The following NFIB variants were observed in gnomAD, a reference collection of about 807,000 sequenced individuals.
NFIB encodes the protein nuclear factor 1 B-type.
A neutral mutation model predicts 61.5 loss-of-function variants in NFIB; 11 were observed. The observed-to-expected ratio is 0.18, with a 90% CI of 0.11 to 0.30. NFIB has a LOEUF of 0.30. Ranked by LOEUF, NFIB falls within the 10% of genes least tolerant of loss-of-function variation. NFIB has a pLI of 1.00. For synonymous variants in NFIB, 260 were observed against 216.5 expected, an observed-to-expected ratio of 1.20 and a Z score of -1.76; for missense variants, 471 against 608.9, an observed-to-expected ratio of 0.77 and a Z score of 2.38.
At chr9:14,371,364 A>G (rs1454958822) in intron 1 of NFIB, among the ~76,000 whole-genome samples, 1 of 152,246 alleles carries the variant, frequency 6.6e-6, no homozygotes, top group African/African-American at 2.4e-5. Context: ...TAGGCAGTCT[A>G]GAAATCCTTG....
At chr9:14,237,752 C>CTAGG (rs1420485682) in intron 2 of NFIB, among the ~76,000 whole-genome samples, 1 of 140,324 alleles carries the variant, frequency 7.1e-6, no homozygotes, top group Non-Finnish European at 1.5e-5. Context: ...CCTCACCCTG[C>CTAGG]TAGGTATAAC....
At chr9:14,260,558 C>T (rs1336111925) in intron 2 of NFIB, among the ~76,000 whole-genome samples, 1 of 152,220 alleles carries the variant, frequency 6.6e-6, no homozygotes, top group Non-Finnish European at 1.5e-5. Context: ...ACTTTTCCCT[C>T]CTCTACGGTT....
intron 2 of NFIB, among the ~76,000 whole-genome samples, chr9:14,288,557 T>A (rs2058866527): frequency 6.6e-6 from 1 of 152,130 alleles, no homozygotes; most frequent in South Asian, 2.1e-4. Context: ...TTGTTTTGGT[T>A]TTGTTACATA....
intron 1 of NFIB, among the ~76,000 whole-genome samples, chr9:14,322,773 C>G (rs948821291): frequency 6.6e-6 from 1 of 151,808 alleles, no homozygotes; most frequent in Non-Finnish European, 1.5e-5. Context: ...GCGCGGCGCC[C>G]CTCTCGAGCG....
intron 2 of NFIB, among the ~76,000 whole-genome samples, chr9:14,245,884 A>G (rs1587892701): frequency 1.3e-5 from 2 of 152,200 alleles, no homozygotes; most frequent in East Asian, 3.9e-4. Context: ...AAAAATGATA[A>G]TAATAATAAG....
the NFIB span, among the ~76,000 whole-genome samples, chr9:14,474,133 T>C: frequency 6.6e-6 from 1 of 152,238 alleles, no homozygotes; most frequent in Non-Finnish European, 1.5e-5. Flanking sequence ...ATCATGTTCC[T>C]GCCTTACATT....
chr9:14,286,154 A>T (rs894059580), intron 2 of NFIB, among the ~76,000 whole-genome samples: 1 of 152,208 alleles, frequency 6.6e-6, no homozygotes, highest in African/African-American at 2.4e-5. Flanking sequence ...GTGTACCCCA[A>T]TGCCACATTC....
At chr9:14,435,337 C>A in the NFIB span, among the ~76,000 whole-genome samples, 49,147 of 152,078 alleles carry the variant, frequency 0.32, 8,827 homozygotes, top group Admixed American at 0.47. Flanking sequence ...ACCAACTGAA[C>A]CACAGGAGAA....
rs33918801 is a variant in NFIB, at chr9:14,083,479, T to TAAAAAAA, written c.*4823_*4829dup. ...TATTGAACTTGAATAGCCTGCACATTAAAAAAAAAAAAAAAAAAAAAGTTT... is the reference window on the plus strand; with the variant it reads ...TATTGAACTTGAATAGCCTGCACATTAAAAAAAAAAAAAAAAAAAAAAAAAAAAGTTT... On this transcript the variant is annotated 3_prime_UTR_variant, in exon 11 of 11. Transcript: ENST00000380953. 1 of 129,282 alleles carries TAAAAAAA rather than the reference T, an allele frequency of 7.7e-6. No individual in the cohort carries two copies. Among genetic ancestry groups the TAAAAAAA allele is most frequent in the Non-Finnish European group, 1.5e-5 (1 of 65,496 alleles). The allele number at this position is 129,282 out of a possible 1,614,324, so 8.0% of individuals were successfully genotyped here. A position where few individuals can be genotyped will look rare whatever the true frequency, so the allele number is the denominator to read the frequency against.
intron 6 of NFIB, among the ~76,000 whole-genome samples, chr9:14,146,266 T>C (rs1374496698): frequency 6.6e-6 from 1 of 152,130 alleles, no homozygotes; most frequent in African/African-American, 2.4e-5. Context: ...CCAAAAGGAA[T>C]TGCAGGTTCC....
chr9:14,148,093 T>G (rs938040249), intron 5 of NFIB, among the ~76,000 whole-genome samples: 1 of 152,084 alleles, frequency 6.6e-6, no homozygotes, highest in African/African-American at 2.4e-5. Flanking sequence ...AATTATGAAA[T>G]TATGACTATA....
At chr9:14,427,937 G>GTGTTTTTTTTTTTT in the NFIB span, among the ~76,000 whole-genome samples, 2 of 43,384 alleles carry the variant, frequency 4.6e-5, no homozygotes, top group African/African-American at 1.6e-4. Context: ...TAATTCAGTT[G>GTGTTTTTTTTTTTT]TTTTTTTTTT....
At chr9:14,094,332 A>C (rs1266465866) in intron 10 of NFIB, 1 of 152,112 alleles carries the variant, frequency 6.6e-6, no homozygotes, top group East Asian at 1.9e-4. Context: ...CAGCACAAAT[A>C]ACTGTGCTTT....
chr9:14,314,007 G>GAATGTGTCACCGCGCTGGGAA lies in NFIB; in HGVS notation c.-517_-497dup. 9.4e-7 allele frequency: 1 copy of GAATGTGTCACCGCGCTGGGAA among 1,068,144 alleles called. No individual in the cohort carries two copies. The highest frequency in any genetic ancestry group is 1.1e-6 in the Non-Finnish European group (1 of 882,386). 66.2% of individuals were successfully genotyped at this position (1,068,144 alleles called of 1,614,324 possible). A position where few individuals can be genotyped will look rare whatever the true frequency, so the allele number is the denominator to read the frequency against. On this transcript the variant is annotated 5_prime_UTR_variant, in exon 1 of 11. Transcript: ENST00000380953. ...GGGCGGGCGGGAGGGAGAGCGGGGA[G>GAATGTGTCACCGCGCTGGGAA]AATGTGTCACCGCGCTGGGAAAGTT...
chr9:14,311,373 GAC>G (rs2060270815), intron 1 of NFIB, among the ~76,000 whole-genome samples: 1 of 152,126 alleles, frequency 6.6e-6, no homozygotes, highest in South Asian at 2.1e-4. Flanking sequence ...ATACAAAAGT[GAC>G]ACTATTAATG....
chr9:14,217,134 C>T (rs992429056), intron 2 of NFIB, among the ~76,000 whole-genome samples: 1 of 152,104 alleles, frequency 6.6e-6, no homozygotes, highest in Non-Finnish European at 1.5e-5. Flanking sequence ...TGATTAATTT[C>T]CTGATGATAC....
At chr9:14,359,766 G>A (rs918524759) in intron 1 of NFIB, among the ~76,000 whole-genome samples, 4 of 152,008 alleles carry the variant, frequency 2.6e-5, no homozygotes, top group Non-Finnish European at 5.9e-5. Context: ...TTCTCCCTGG[G>A]GTTGCTGGGT....
At chr9:14,149,117 T>G (rs2131142206) in intron 5 of NFIB, among the ~76,000 whole-genome samples, 1 of 152,282 alleles carries the variant, frequency 6.6e-6, no homozygotes, top group South Asian at 2.1e-4. Context: ...ATCAAAGCAT[T>G]TCTAAGACTT....
At chr9:14,166,119 T>C (rs955305756) in intron 3 of NFIB, among the ~76,000 whole-genome samples, 3 of 152,234 alleles carry the variant, frequency 2.0e-5, no homozygotes, top group African/African-American at 4.8e-5. Flanking sequence ...TTTATGTCTG[T>C]CATCTTATTT....
Sources: allele counts gnomAD v4.1 joint callset (sites outside exome capture counted in the v4.1 genomes callset), GRCh38; gene constraint gnomAD v4.1.1; transcripts MANE v1.5; gene names NCBI Gene and HGNC (gene_info 2026-07-23, HGNC 2026-07-21).